Variants in PCDHGA5 observed in about 807,000 individuals in gnomAD.
PCDHGA5 encodes protocadherin gamma-A5.
A neutral mutation model predicts 56.7 loss-of-function variants in PCDHGA5; 36 were observed. The observed-to-expected ratio is 0.64, with a 90% CI of 0.49 to 0.84. The LOEUF is 0.84. PCDHGA5 is among the 40% of genes least tolerant of loss of function. The pLI, the probability that PCDHGA5 is intolerant of heterozygous loss-of-function variation, is 0.00. For synonymous variants in PCDHGA5, 563 were observed against 520.2 expected, an observed-to-expected ratio of 1.08 and a Z score of -1.12; for missense variants, 1,305 against 1,201.5, an observed-to-expected ratio of 1.09 and a Z score of -1.27.
At chr5:141,436,300 G>A (rs966232889) in intron 1 of PCDHGA5, among the ~76,000 whole-genome samples, 1 of 152,180 alleles carries the variant, frequency 6.6e-6, no homozygotes, top group African/African-American at 2.4e-5. Flanking sequence ...TTGAGAGTTA[G>A]AGCATGAATA....
chr5:141,366,217 G>A lies in PCDHGA5; in HGVS notation c.1887G>A (p.Ala629=). The A allele has an allele frequency of 1.9e-6, 3 of 1,613,788 alleles. No individual in the cohort carries two copies. The highest frequency in any genetic ancestry group is 2.2e-5 in the South Asian group (2 of 91,082). ...VGLHTGEVRT[A]RALLDRDALK... ...TGCACACGGGCGAGGTGCGCACAGC[G>A]CGAGCCCTGCTGGACAGAGACGCGC... The change falls in exon 1 of 4, where the codon GCG becomes GCA. Residue 629 remains alanine (A), a synonymous_variant. Transcript: ENST00000518069.
chr5:141,405,995 A>T (rs985162414), intron 1 of PCDHGA5, among the ~76,000 whole-genome samples: 1 of 151,964 alleles, frequency 6.6e-6, no homozygotes. Context: ...GGTAGCTCTC[A>T]GCCTGCATTG....
At chr5:141,510,404 G>T (rs1596286932) in intron 3 of PCDHGA5, among the ~76,000 whole-genome samples, 2 of 152,252 alleles carry the variant, frequency 1.3e-5, no homozygotes, top group East Asian at 3.9e-4. Context: ...AAAGGCTAGG[G>T]GCATGTAAAG....
In PCDHGA5 at chr5:141,512,264, C is replaced by G. The variant is rs1453959730; in HGVS notation, c.*1091C>G. 6.5e-6 allele frequency: 1 copy of G among 152,684 alleles called. No homozygotes were observed. The highest frequency in any genetic ancestry group is 1.5e-5 in the Non-Finnish European group (1 of 68,096). 9.5% of individuals were successfully genotyped at this position (152,684 alleles called of 1,614,324 possible). ...GGGGCCTCTGTGGGTGCTGGGTACTCCAGAGGTGCCACTGGTGGAAGGGTC... is the reference window on the plus strand; with the variant it reads ...GGGGCCTCTGTGGGTGCTGGGTACTGCAGAGGTGCCACTGGTGGAAGGGTC... On this transcript the variant is annotated 3_prime_UTR_variant, in exon 4 of 4. Transcript: ENST00000518069.
At chr5:141,457,071 C>T in intron 1 of PCDHGA5, among the ~76,000 whole-genome samples, 1 of 152,188 alleles carries the variant, frequency 6.6e-6, no homozygotes, top group Non-Finnish European at 1.5e-5. Context: ...TTGCCAGTAA[C>T]TATTATCCCT....
chr5:141,490,846 G>T lies in PCDHGA5; in HGVS notation c.2422-3961G>T. 1 of 1,613,880 alleles carries T rather than the reference G, an allele frequency of 6.2e-7. No individual in the cohort carries two copies. Among genetic ancestry groups the T allele is most frequent in the Non-Finnish European group, 8.5e-7 (1 of 1,179,906 alleles). ...GCAGATGCTGCAGATTGTGGTGGGG[G>T]TTCGAGACTCCGGCTCTCCCCCATT... On this transcript the variant is annotated intron_variant, in intron 1 of 3. Coordinates refer to ENST00000518069, the MANE Select transcript of PCDHGA5 (RefSeq NM_018918.3). This position sits in a 1 kb window ranked among gnomAD's most constrained non-coding sequence, Gnocchi z 5.4.
At chr5:141,374,401 T>C in intron 1 of PCDHGA5, 7 of 1,614,060 alleles carry the variant, frequency 4.3e-6, no homozygotes, top group Non-Finnish European at 5.1e-6. Flanking sequence ...TGGTGAGTTT[T>C]AACATCCTTG....
At chr5:141,408,636 C>A in intron 1 of PCDHGA5, 1 of 1,614,024 alleles carries the variant, frequency 6.2e-7, no homozygotes, top group Non-Finnish European at 8.5e-7. Flanking sequence ...ATTTTCGAAT[C>A]TGCATCCGCT....
At chr5:141,470,201 G>C (rs2154570565) in intron 1 of PCDHGA5, among the ~76,000 whole-genome samples, 1 of 152,274 alleles carries the variant, frequency 6.6e-6, no homozygotes, top group Non-Finnish European at 1.5e-5. Flanking sequence ...AGATAAATAT[G>C]AAGGCTAAAC....
chr5:141,461,213 T>C (rs1457474925), intron 1 of PCDHGA5, among the ~76,000 whole-genome samples: 1 of 152,168 alleles, frequency 6.6e-6, no homozygotes, highest in African/African-American at 2.4e-5. Flanking sequence ...AGAATCTCCA[T>C]ACTGTTTTCC....
intron 1 of PCDHGA5, among the ~76,000 whole-genome samples, chr5:141,369,547 A>G (rs1766330470): frequency 6.6e-6 from 1 of 152,196 alleles, no homozygotes; most frequent in Non-Finnish European, 1.5e-5. Context: ...TTAAAAGTAG[A>G]CACTTGGAAA....
At chr5:141,469,992 G>A (rs894673835) in intron 1 of PCDHGA5, among the ~76,000 whole-genome samples, 10 of 152,054 alleles carry the variant, frequency 6.6e-5, no homozygotes, top group South Asian at 2.1e-4. Context: ...TTAGCTGGTC[G>A]TCGTGGCACG....
At chr5:141,479,982 C>T (rs368461965) in intron 1 of PCDHGA5, among the ~76,000 whole-genome samples, 1 of 152,192 alleles carries the variant, frequency 6.6e-6, no homozygotes, top group South Asian at 2.1e-4. Flanking sequence ...CTACCATTTA[C>T]CAACTAGGAG....
chr5:141,392,641 C>G (rs541777624), intron 1 of PCDHGA5: 2 of 655,502 alleles, frequency 3.1e-6, no homozygotes, highest in Non-Finnish European at 2.5e-6. Context: ...TCACACCTCA[C>G]GAAGACCCGC....
intron 1 of PCDHGA5, chr5:141,370,835 C>A: frequency 6.2e-7 from 1 of 1,613,964 alleles, no homozygotes; most frequent in Non-Finnish European, 8.5e-7. Flanking sequence ...AACTGGCTCT[C>A]ACTGGAGCCA....
At chr5:141,389,806 T>C in intron 1 of PCDHGA5, 3 of 1,613,810 alleles carry the variant, frequency 1.9e-6, no homozygotes, top group Non-Finnish European at 2.5e-6. Flanking sequence ...CAGCGCCTTC[T>C]GGTCGCCGTG....
At chr5:141,404,892 A>T in intron 1 of PCDHGA5, 1 of 1,613,880 alleles carries the variant, frequency 6.2e-7, no homozygotes, top group African/African-American at 1.3e-5. Context: ...GTGGCTGTAC[A>T]GGACCATGGC....
In PCDHGA5 at chr5:141,430,862, G is replaced by A. The variant is rs1365140768; in HGVS notation, c.2422-63945G>A. ...CGGATGCACCCAGATACGCTATTCA[G>A]TTCCGGAAGAGCTGGAGAAAGGCTC... is the stretch of plus-strand genomic sequence containing the variant. On this transcript the variant is annotated intron_variant, in intron 1 of 3. Transcript: ENST00000518069. 3 of 1,594,672 alleles carry A rather than the reference G, an allele frequency of 1.9e-6. No individual in the cohort carries two copies. The African/African-American group carries it at 4.0e-5, about 21-fold the overall frequency.
At position 141,418,922 on chromosome 5, in the gene PCDHGA5, C is replaced by G. The variant is rs180948941; in HGVS notation, c.2421+52171C>G. The G allele has an allele frequency of 3.7e-6, 6 of 1,613,994 alleles. 1 individual carries two copies. In the Admixed American group the frequency reaches 6.7e-5, roughly 18 times the overall value. On this transcript the variant is annotated intron_variant, in intron 1 of 3. Coordinates refer to ENST00000518069, the MANE Select transcript of PCDHGA5 (RefSeq NM_018918.3). ...AATAATCATCACGTCACTCTCTGAT[C>G]AGATTATGGAGGATTCCCCTCCAGG...
Sources: gnomAD v4.1 joint callset for allele counts (sites outside exome capture counted in the v4.1 genomes callset) on GRCh38, gnomAD v4.1.1 for gene constraint, Gnocchi (gnomAD v3.1) non-coding constraint, MANE v1.5 for transcripts, NCBI Gene and HGNC (gene_info 2026-07-23, HGNC 2026-07-21) for gene names.